GAS7: variants seen among roughly 807,000 people sequenced by gnomAD.
GAS7 encodes the protein growth arrest-specific protein 7.
Under a neutral mutation model 71.1 loss-of-function variants are expected in GAS7, and 28 were observed. The observed-to-expected ratio is 0.39, with a 90% confidence interval of 0.29 to 0.54. The LOEUF is 0.54. Ranked by LOEUF, GAS7 falls within the 20% of genes least tolerant of loss-of-function variation. The pLI is 0.62. For missense variants in GAS7, 436 were observed against 627.8 expected (o/e 0.69, Z 3.27); for synonymous variants, 258 against 245.8 (o/e 1.05, Z -0.46).
intron 1 of GAS7, among the ~76,000 whole-genome samples, chr17:10,046,506 G>A (rs904560422): frequency 2.0e-5 from 3 of 151,620 alleles, no homozygotes; most frequent in Non-Finnish European, 2.9e-5. Context: ...TGCCCGCCTC[G>A]GCGGGCAGAT....
rs2067436884 is a variant in GAS7, at chr17:9,911,553, T to TG, written c.*5674dup. On this transcript the variant is annotated 3_prime_UTR_variant, in exon 14 of 14. Coordinates refer to ENST00000432992, the MANE Select transcript of GAS7 (RefSeq NM_201433.2). The surrounding 1 kb of genome is among the most constrained non-coding windows in gnomAD (Gnocchi z 4.0). ...CAGCCATGCCCCAGCATTTAGAACG[T>TG]GGGGAGAAGCGAATTGGTTTTTGCC... is the stretch of plus-strand genomic sequence containing the variant. 1.3e-5 allele frequency: 3 copies of TG among 233,066 alleles called. No homozygotes were observed. Among genetic ancestry groups the TG allele is most frequent in the Non-Finnish European group, 1.7e-5 (2 of 118,028 alleles). 14.4% of individuals were successfully genotyped at this position (233,066 alleles called of 1,614,324 possible). A position where few individuals can be genotyped will look rare whatever the true frequency, so the allele number is the denominator to read the frequency against.
At chr17:10,116,006 C>A (rs1245784212) in intron 1 of GAS7, among the ~76,000 whole-genome samples, 1 of 152,184 alleles carries the variant, frequency 6.6e-6, no homozygotes, top group Non-Finnish European at 1.5e-5. Flanking sequence ...CTCTCCAGAT[C>A]ATCATCAAAA....
At chr17:10,136,543 C>T (rs888536285) in intron 1 of GAS7, among the ~76,000 whole-genome samples, 3 of 152,168 alleles carry the variant, frequency 2.0e-5, no homozygotes, top group African/African-American at 7.2e-5. Context: ...CACTGCAAAT[C>T]CAGACAGCAC....
intron 1 of GAS7, among the ~76,000 whole-genome samples, chr17:10,169,293 A>G (rs957582424): frequency 6.6e-6 from 1 of 152,212 alleles, no homozygotes; most frequent in Non-Finnish European, 1.5e-5. Flanking sequence ...TAATAATTTT[A>G]AAAGTTCACA....
intron 5 of GAS7, among the ~76,000 whole-genome samples, chr17:9,950,722 G>C (rs991280553): frequency 3.3e-5 from 5 of 152,096 alleles, no homozygotes; most frequent in African/African-American, 4.8e-5. Context: ...CGGGCATGGT[G>C]GTGGGCGCCT....
intron 4 of GAS7, among the ~76,000 whole-genome samples, chr17:9,965,073 G>T (rs2069651010): frequency 6.6e-6 from 1 of 152,178 alleles, no homozygotes; most frequent in Non-Finnish European, 1.5e-5. Flanking sequence ...TGGGCAGGAA[G>T]GGAAGGGACC....
chr17:9,938,470 CAAAAAAA>C lies in GAS7; in HGVS notation c.806+1649_806+1655del, dbSNP rs34813185. Among the ~76,000 whole-genome samples the C allele has an allele frequency of 7.7e-5, 5 of 65,192 alleles. No homozygotes were observed. The East Asian group carries it at 2.5e-3, about 32-fold the overall frequency. 42.8% of individuals were successfully genotyped at this position (65,192 alleles called of 152,430 possible). ...TGGGCGACAGAGCGAGACTCTGTCTCAAAAAAAAAAAAAAAAAAAAAAATAGACATCA... is the reference window on the plus strand; with the variant it reads ...TGGGCGACAGAGCGAGACTCTGTCTCAAAAAAAAAAAAAAAATAGACATCA... On this transcript the variant is annotated intron_variant, in intron 8 of 13. Coordinates refer to ENST00000432992, the MANE Select transcript of GAS7 (RefSeq NM_201433.2).
intron 2 of GAS7, among the ~76,000 whole-genome samples, chr17:10,017,962 A>T (rs1382839716): frequency 1.3e-5 from 2 of 152,244 alleles, no homozygotes; most frequent in Non-Finnish European, 2.9e-5. Context: ...GACACTGTCT[A>T]TTGATATAAA....
At chr17:10,188,627 T>C (rs1023834032) in intron 1 of GAS7, among the ~76,000 whole-genome samples, 3 of 152,162 alleles carry the variant, frequency 2.0e-5, no homozygotes, top group African/African-American at 7.2e-5. Context: ...TTTATATGGT[T>C]TTGTGTGTGT....
chr17:10,056,593 CG>C (rs1352296973), intron 1 of GAS7, among the ~76,000 whole-genome samples: 1 of 151,962 alleles, frequency 6.6e-6, no homozygotes, highest in Non-Finnish European at 1.5e-5. Context: ...TCAAATGGGC[CG>C]GGCGCAGTGG....
At chr17:10,050,962 A>G (rs951607682) in intron 1 of GAS7, among the ~76,000 whole-genome samples, 1 of 152,206 alleles carries the variant, frequency 6.6e-6, no homozygotes, top group African/African-American at 2.4e-5. Flanking sequence ...AACAGAAGAT[A>G]GATGCCCTGC....
At chr17:10,082,838 T>C (rs2073472856) in intron 1 of GAS7, among the ~76,000 whole-genome samples, 1 of 152,196 alleles carries the variant, frequency 6.6e-6, no homozygotes, top group Non-Finnish European at 1.5e-5. Context: ...GGTACAACAA[T>C]GAGGATGAAT....
rs893927858 is a variant in GAS7 at position 10,019,879 on chromosome 17, G to T, written c.202C>A (p.Pro68Thr). Residue 68 changes from proline (P) to threonine (T), a missense_variant, in exon 2 of 14, where the codon CCT (proline) becomes ACT (threonine). Transcript: ENST00000432992. ...GTCTGGCTTTCTTCTCCCGGCGGAGGGGGGACCATTCCAGGCTTCTGTTGG... is the reference window on the plus strand; with the variant it reads ...GTCTGGCTTTCTTCTCCCGGCGGAGTGGGGACCATTCCAGGCTTCTGTTGG... Reference protein sequence around the residue: ...QLLEKPGMVPPPPGEESQTVI... With the variant: ...QLLEKPGMVPTPPGEESQTVI... 16 of 1,613,830 alleles carry T rather than the reference G, an allele frequency of 9.9e-6. No individual in the cohort carries two copies. Among genetic ancestry groups the T allele is most frequent in the Admixed American group, 1.7e-5 (1 of 60,004 alleles).
intron 1 of GAS7, among the ~76,000 whole-genome samples, chr17:10,194,436 T>C (rs964811667): frequency 6.6e-6 from 1 of 152,216 alleles, no homozygotes; most frequent in African/African-American, 2.4e-5. Flanking sequence ...CTTGTCCTGG[T>C]ACCATGTCTT....
chr17:9,912,715 C>G lies in GAS7; in HGVS notation c.*4513G>C, dbSNP rs1597424998. On this transcript the variant is annotated 3_prime_UTR_variant, in exon 14 of 14. Transcript: ENST00000432992. ...CCCTAAGAACAGCTTGTGGGCACAGCTGGCATTTGGAGGAGGAGCCTGGGG... is the reference window on the plus strand; with the variant it reads ...CCCTAAGAACAGCTTGTGGGCACAGGTGGCATTTGGAGGAGGAGCCTGGGG... The G allele has an allele frequency of 3.9e-5, 9 of 232,834 alleles. 1 individual carries two copies. The East Asian group carries it at 5.4e-4, about 14-fold the overall frequency. The allele number at this position is 232,834 out of a possible 1,614,324, so 14.4% of individuals were successfully genotyped here. A position where few individuals can be genotyped will look rare whatever the true frequency, so the allele number is the denominator to read the frequency against.
chr17:10,170,451 T>C (rs1180949320), intron 1 of GAS7, among the ~76,000 whole-genome samples: 1 of 152,194 alleles, frequency 6.6e-6, no homozygotes. Context: ...CTCAGGGCCT[T>C]TGCACATGCT....
chr17:10,139,145 G>A (rs1447810058), intron 1 of GAS7, among the ~76,000 whole-genome samples: 1 of 152,168 alleles, frequency 6.6e-6, no homozygotes, highest in Non-Finnish European at 1.5e-5. Context: ...AGCCAGTATC[G>A]GAGTTATGAG....
rs369124592 is a variant in GAS7 at position 10,064,019 on chromosome 17, A to G, written c.184-44122T>C. On this transcript the variant is annotated intron_variant, in intron 1 of 13. Coordinates refer to ENST00000432992, the MANE Select transcript of GAS7 (RefSeq NM_201433.2). ...CCACTTCCCTTTTCCATTTCCCAAC[A>G]TGGCCCTCACCAGCTCGAACATTAG... Among the ~76,000 whole-genome samples the G allele has an allele frequency of 6.6e-5, 10 of 152,210 alleles. 2 individuals carry two copies.
At chr17:10,017,006 C>A in intron 2 of GAS7, among the ~76,000 whole-genome samples, 1 of 149,818 alleles carries the variant, frequency 6.7e-6, no homozygotes, top group South Asian at 2.1e-4. Flanking sequence ...TGACACATGC[C>A]TGCAATCCCA....
Sources: gnomAD v4.1 joint callset for allele counts (sites outside exome capture counted in the v4.1 genomes callset) on GRCh38, gnomAD v4.1.1 for gene constraint, Gnocchi (gnomAD v3.1) non-coding constraint, MANE v1.5 for transcripts, NCBI Gene and HGNC (gene_info 2026-07-23, HGNC 2026-07-21) for gene names.